The following ADD3 variants were observed in gnomAD, a reference collection of about 807,000 sequenced individuals.
The protein encoded by ADD3 is adducin 3, also known as gamma-adducin.
A neutral mutation model predicts 80.2 loss-of-function variants in ADD3; 25 were observed. That is an observed-to-expected ratio of 0.31 (90% confidence interval 0.23 to 0.44). The LOEUF is 0.44. ADD3 is among the 20% of genes least tolerant of loss of function. The probability of loss-of-function intolerance (pLI) is 1.00; values close to 1 mark genes in which losing one functional copy is unlikely to be tolerated. For synonymous variants in ADD3, 284 were observed against 289.6 expected, an observed-to-expected ratio of 0.98 and a Z score of 0.20; for missense variants, 829 against 847.5, an observed-to-expected ratio of 0.98 and a Z score of 0.27.
intron 1 of ADD3, among the ~76,000 whole-genome samples, chr10:110,019,397 C>G (rs1237170012): frequency 1.3e-5 from 2 of 151,276 alleles, no homozygotes; most frequent in African/African-American, 4.9e-5. Flanking sequence ...CTCTGTTGCC[C>G]AGGCTGGAGT....
At chr10:110,050,589 T>C (rs1857409601) in intron 1 of ADD3, among the ~76,000 whole-genome samples, 1 of 149,858 alleles carries the variant, frequency 6.7e-6, no homozygotes, top group Admixed American at 6.7e-5. Context: ...CTCAGCTCAA[T>C]GCAACCTCTG....
chr10:110,014,943 G>A (rs1564840135), intron 1 of ADD3, among the ~76,000 whole-genome samples: 1 of 151,820 alleles, frequency 6.6e-6, no homozygotes, highest in African/African-American at 2.4e-5. Context: ...GCGTGATCTC[G>A]GCTCAATGCA....
At position 110,008,205 on chromosome 10, in the gene ADD3, G is replaced by C. The variant is rs944467409; in HGVS notation, c.-124G>C. The C allele has an allele frequency of 6.6e-6, 1 of 152,348 alleles. No individual in the cohort carries two copies. Among genetic ancestry groups the C allele is most frequent in the Non-Finnish European group, 1.5e-5 (1 of 68,152 alleles). The allele number at this position is 152,348 out of a possible 1,614,324, so 9.4% of individuals were successfully genotyped here. On this transcript the variant is annotated 5_prime_UTR_variant, in exon 1 of 15. Coordinates refer to ENST00000356080, the MANE Select transcript of ADD3 (RefSeq NM_016824.5). ...CCCTCTGGGGCTCTGCGGCGCTTAA[G>C]AGGCGGCCGCAGCGGCGGATCCGGC...
intron 1 of ADD3, among the ~76,000 whole-genome samples, chr10:110,049,095 ATGC>A (rs1269132566): frequency 1.3e-5 from 2 of 152,202 alleles, no homozygotes; most frequent in African/African-American, 4.8e-5. Flanking sequence ...GTTACAGCTC[ATGC>A]TGTGGCCTCA....
At chr10:110,031,361 A>G (rs911117715) in intron 1 of ADD3, among the ~76,000 whole-genome samples, 1 of 152,220 alleles carries the variant, frequency 6.6e-6, no homozygotes, top group African/African-American at 2.4e-5. Flanking sequence ...TACTTTAGGT[A>G]AAATCATGAA....
intron 9 of ADD3, among the ~76,000 whole-genome samples, chr10:110,123,274 T>C (rs1851735355): frequency 1.3e-5 from 2 of 152,206 alleles, no homozygotes; most frequent in African/African-American, 4.8e-5. Context: ...TTATTTTTAA[T>C]TGTATGAGGA....
chr10:110,081,249 A>T (rs1417472673), intron 1 of ADD3, among the ~76,000 whole-genome samples: 16 of 152,184 alleles, frequency 1.1e-4, no homozygotes, highest in Admixed American at 9.8e-4. Flanking sequence ...TAATTTTCAT[A>T]CGCATTTTTT....
intron 1 of ADD3, among the ~76,000 whole-genome samples, chr10:110,056,319 A>G (rs1408326633): frequency 1.3e-5 from 2 of 152,200 alleles, no homozygotes; most frequent in Non-Finnish European, 2.9e-5. Flanking sequence ...CTTACATTGA[A>G]TGATATGTTT....
At chr10:110,017,122 C>G (rs1373730304) in intron 1 of ADD3, among the ~76,000 whole-genome samples, 1 of 152,162 alleles carries the variant, frequency 6.6e-6, no homozygotes, top group Admixed American at 6.5e-5. Flanking sequence ...GTACCGTTAA[C>G]AAAGGGCAGA....
chr10:110,066,272 C>T (rs554322812), intron 1 of ADD3, among the ~76,000 whole-genome samples: 1 of 152,194 alleles, frequency 6.6e-6, no homozygotes, highest in Non-Finnish European at 1.5e-5. Context: ...GAGAGTCTCT[C>T]TCTGTCGCCC....
rs917550045 is a variant in ADD3 at position 110,089,099 on chromosome 10, G to A, written c.-29-11526G>A. 9.2e-5 allele frequency among the ~76,000 whole-genome samples: 14 copies of A among 152,156 alleles called. No homozygotes were observed. The South Asian group carries it at 2.9e-3, about 32-fold the overall frequency. ...TATTTGAATATTCATTTGAGAAAAG[G>A]TCCACTGAGATTTGTAGAGTGGGTA... On this transcript the variant is annotated intron_variant, in intron 1 of 14. Transcript: ENST00000356080.
chr10:110,032,462 G>A (rs940443010), intron 1 of ADD3, among the ~76,000 whole-genome samples: 15 of 152,176 alleles, frequency 9.9e-5, no homozygotes, highest in Non-Finnish European at 1.8e-4. Flanking sequence ...AAAGGAAAAA[G>A]GGAGTAAAAC....
At chr10:110,007,398 T>C (rs1246982380), upstream of ADD3, among the ~76,000 whole-genome samples, 1 of 152,148 alleles carries the variant, frequency 6.6e-6, no homozygotes, top group East Asian at 1.9e-4. Flanking sequence ...GGTTGAACCT[T>C]TGCAGTGGCC....
intron 1 of ADD3, among the ~76,000 whole-genome samples, chr10:110,080,697 T>C (rs187164697): frequency 1.3e-5 from 2 of 152,356 alleles, no homozygotes; most frequent in Admixed American, 1.3e-4. Context: ...CATTCAGAAG[T>C]AATCCTAGGG....
chr10:110,022,709 G>T (rs1358890930), intron 1 of ADD3, among the ~76,000 whole-genome samples: 3 of 152,166 alleles, frequency 2.0e-5, no homozygotes, highest in Non-Finnish European at 4.4e-5. Context: ...AAACCTGCGA[G>T]CTATACTATA....
At chr10:110,046,526 G>A (rs576227401) in intron 1 of ADD3, among the ~76,000 whole-genome samples, 1 of 151,694 alleles carries the variant, frequency 6.6e-6, no homozygotes, top group Admixed American at 6.6e-5. Context: ...CAAAAGCTTT[G>A]AAGGATATAA....
At chr10:110,125,527 GCT>G in intron 10 of ADD3, among the ~76,000 whole-genome samples, 1 of 151,866 alleles carries the variant, frequency 6.6e-6, no homozygotes, top group East Asian at 1.9e-4. Context: ...GTGAGATCAT[GCT>G]CTCTGTGCTT....
At chr10:110,087,514 TCTG>T (rs992847511) in intron 1 of ADD3, among the ~76,000 whole-genome samples, 4 of 152,334 alleles carry the variant, frequency 2.6e-5, no homozygotes, top group Non-Finnish European at 4.4e-5. Flanking sequence ...TTTTTGTTCA[TCTG>T]ATGTGACAAG....
chr10:110,121,022 C>T (rs978640745), intron 8 of ADD3, among the ~76,000 whole-genome samples: 5 of 151,924 alleles, frequency 3.3e-5, no homozygotes, highest in African/African-American at 7.2e-5. Context: ...AAGATTTAAA[C>T]GTTAGACCTA....
Sources: allele counts gnomAD v4.1 joint callset (sites outside exome capture counted in the v4.1 genomes callset), GRCh38; gene constraint gnomAD v4.1.1; transcripts MANE v1.5; gene names NCBI Gene and HGNC (gene_info 2026-07-23, HGNC 2026-07-21).